CDKL3: variants seen among roughly 807,000 people sequenced by gnomAD.
CDKL3 encodes cyclin dependent kinase like 3.
In CDKL3, 65 loss-of-function variants were observed where a neutral mutation model predicts 69.3. That is an observed-to-expected ratio of 0.94 (90% CI 0.77 to 1.15). The LOEUF is 1.15. CDKL3 is among the 50% of genes most tolerant of loss of function. The pLI is 0.00. For missense variants in CDKL3, 652 were observed against 689.2 expected (o/e 0.95, Z 0.61); for synonymous variants, 202 against 221.6 (o/e 0.91, Z 0.79).
At chr5:134,347,398 T>C (rs1752170004) in intron 4 of CDKL3, among the ~76,000 whole-genome samples, 1 of 152,042 alleles carries the variant, frequency 6.6e-6, no homozygotes, top group Admixed American at 6.6e-5. Flanking sequence ...AACTCCTAAG[T>C]ATATACCCAA....
upstream of CDKL3, among the ~76,000 whole-genome samples, chr5:134,368,013 A>G (rs990264939): frequency 6.6e-6 from 1 of 152,226 alleles, no homozygotes; most frequent in African/African-American, 2.4e-5. Context: ...AGTTAAATGT[A>G]AAAAAGCGAA....
intron 1 of CDKL3, 88 bp from the exon 2 acceptor site, chr5:134,366,632 C>T: frequency 3.7e-6 from 3 of 815,158 alleles, no homozygotes; most frequent in Non-Finnish European, 5.6e-6. Context: ...CCACAATAAA[C>T]CCACAGTCTC....
intron 2 of CDKL3, among the ~76,000 whole-genome samples, chr5:134,364,996 C>A (rs930705694): frequency 7.5e-6 from 1 of 133,270 alleles, no homozygotes; most frequent in South Asian, 2.4e-4. Context: ...TTTTCCTTTT[C>A]TTTTGAGACA....
At chr5:134,358,655 G>A (rs1755224857) in intron 3 of CDKL3, among the ~76,000 whole-genome samples, 1 of 151,612 alleles carries the variant, frequency 6.6e-6, no homozygotes, top group Non-Finnish European at 1.5e-5. Flanking sequence ...TGTCAACCAG[G>A]ATGCAGTGGT....
At chr5:134,323,796 G>A (rs1773414381) in intron 4 of CDKL3, among the ~76,000 whole-genome samples, 1 of 152,092 alleles carries the variant, frequency 6.6e-6, no homozygotes, top group South Asian at 2.1e-4. Flanking sequence ...ATGGCCTTAG[G>A]TTTGGTAATG....
At chr5:134,287,373 G>A (rs959513864) in intron 8 of CDKL3, among the ~76,000 whole-genome samples, 4 of 152,154 alleles carry the variant, frequency 2.6e-5, no homozygotes, top group African/African-American at 7.2e-5. Context: ...AAACACAAGA[G>A]AGTGTTCCCT....
intron 12 of CDKL3, chr5:134,302,289 C>A (rs1173303248): frequency 2.2e-6 from 1 of 457,984 alleles, no homozygotes; most frequent in African/African-American, 2.0e-5. Context: ...TATATTTATA[C>A]CATTATTCAT....
chr5:134,327,820 A>G (rs192501937), intron 4 of CDKL3, among the ~76,000 whole-genome samples: 12 of 152,340 alleles, frequency 7.9e-5, no homozygotes, highest in African/African-American at 2.9e-4. Context: ...TTTAACAGCT[A>G]GGAGTAGCCA....
intron 3 of CDKL3, among the ~76,000 whole-genome samples, chr5:134,354,019 T>C (rs1753951088): frequency 6.6e-6 from 1 of 152,202 alleles, no homozygotes; most frequent in South Asian, 2.1e-4. Flanking sequence ...TGCCAGGGTT[T>C]GTCTAATCTC....
intron 4 of CDKL3, among the ~76,000 whole-genome samples, chr5:134,348,791 G>GA (rs57043311): frequency 0.13 from 20,352 of 152,104 alleles, 1,639 homozygotes; most frequent in African/African-American, 0.21. Context: ...AAGAAATAAA[G>GA]AAAAAATTTT....
chr5:134,299,261 T>C (rs1765738035), intron 12 of CDKL3, among the ~76,000 whole-genome samples: 1 of 152,228 alleles, frequency 6.6e-6, no homozygotes, highest in Non-Finnish European at 1.5e-5. Context: ...TACATGGTTA[T>C]CAAGTATATT....
At chr5:134,307,849 CA>C (rs1768294369) in intron 9 of CDKL3, among the ~76,000 whole-genome samples, 1 of 151,892 alleles carries the variant, frequency 6.6e-6, no homozygotes, top group Non-Finnish European at 1.5e-5. Flanking sequence ...TAGGACATAC[CA>C]ACTTTTTTTC....
At chr5:134,317,196 TGCGATCTCAGC>T (rs1355569932) in intron 6 of CDKL3, among the ~76,000 whole-genome samples, 4 of 152,100 alleles carry the variant, frequency 2.6e-5, no homozygotes. Flanking sequence ...AGTGCAGTGG[TGCGATCTCAGC>T]TCACTGCAAC....
intron 4 of CDKL3, among the ~76,000 whole-genome samples, chr5:134,332,983 G>T (rs1217944407): frequency 6.6e-6 from 1 of 152,150 alleles, no homozygotes; most frequent in African/African-American, 2.4e-5. Context: ...GCAGTGGTTT[G>T]TAGTTCTCCT....
intron 4 of CDKL3, among the ~76,000 whole-genome samples, chr5:134,330,868 G>C (rs1029166149): frequency 6.8e-6 from 1 of 146,598 alleles, no homozygotes; most frequent in Non-Finnish European, 1.5e-5. Flanking sequence ...GTCTTGACTG[G>C]ACTCTTGCTT....
chr5:134,325,516 T>C (rs1412698774), intron 4 of CDKL3, among the ~76,000 whole-genome samples: 4 of 152,098 alleles, frequency 2.6e-5, no homozygotes, highest in Non-Finnish European at 5.9e-5. Context: ...TGTTCAGCTT[T>C]AATTGTTATT....
chr5:134,291,501 T>C (rs1455638399), intron 8 of CDKL3, among the ~76,000 whole-genome samples: 2 of 152,230 alleles, frequency 1.3e-5, no homozygotes, highest in Non-Finnish European at 2.9e-5. Context: ...CTGGGGACAG[T>C]GGCTTACGCC....
Position 134,298,492 on chromosome 5 carries a change from A to C in CDKL3, c.*159T>G, listed in dbSNP as rs1765521405. The C allele has an allele frequency of 7.0e-7, 1 of 1,419,008 alleles. No homozygotes were observed. The highest frequency in any genetic ancestry group is 1.4e-5 in the African/African-American group (1 of 69,464). 87.9% of individuals were successfully genotyped at this position (1,419,008 alleles called of 1,614,324 possible). A position where few individuals can be genotyped will look rare whatever the true frequency, so the allele number is the denominator to read the frequency against. ...ACATCAACAGAGTCTTAAAAGGGAA[A>C]AGAAAACAGTAAATGTTTTGCTAAC... On this transcript the variant is annotated 3_prime_UTR_variant, in exon 13 of 13. Transcript: ENST00000265334.
chr5:134,355,551 A>G (rs1754392446), intron 3 of CDKL3, among the ~76,000 whole-genome samples: 1 of 152,234 alleles, frequency 6.6e-6, no homozygotes, highest in African/African-American at 2.4e-5. Flanking sequence ...TTGAAAAGTT[A>G]TATCGCAATT....
Sources: gnomAD v4.1 joint callset for allele counts (sites outside exome capture counted in the v4.1 genomes callset) on GRCh38, gnomAD v4.1.1 for gene constraint, MANE v1.5 for transcripts, NCBI Gene and HGNC (gene_info 2026-07-23, HGNC 2026-07-21) for gene names.